Variants in TAFA2 observed in about 807,000 individuals in gnomAD.
The protein encoded by TAFA2 is TAFA chemokine like family member 2.
In TAFA2, 7 loss-of-function variants were observed where a neutral mutation model predicts 18.8. The ratio of observed to expected loss-of-function variants is 0.37; its 90% CI spans 0.21 to 0.70. The LOEUF (loss-of-function observed/expected upper bound fraction) is 0.70. Ranked by LOEUF, TAFA2 falls within the 30% of genes least tolerant of loss-of-function variation. The probability of loss-of-function intolerance (pLI) is 0.53; values close to 1 mark genes in which losing one functional copy is unlikely to be tolerated. For missense variants in TAFA2, 122 were observed against 158.1 expected (o/e 0.77, Z 1.23); for synonymous variants, 60 against 54.2 (o/e 1.11, Z -0.47).
chr12:62,193,700 T>C (rs900191376), upstream of TAFA2, among the ~76,000 whole-genome samples: 8 of 152,352 alleles, frequency 5.3e-5, no homozygotes, highest in Admixed American at 5.2e-4. Context: ...AGGTCCCATC[T>C]GTAACCTTAA....
At chr12:61,752,150 A>C (rs376748942) in intron 4 of TAFA2, among the ~76,000 whole-genome samples, 3 of 152,024 alleles carry the variant, frequency 2.0e-5, no homozygotes, top group East Asian at 1.9e-4. Context: ...TCATCTGTAA[A>C]AGGAGATAAT....
At chr12:62,174,321 A>C (rs535086521) in intron 1 of TAFA2, among the ~76,000 whole-genome samples, 94 of 150,686 alleles carry the variant, frequency 6.2e-4, no homozygotes, top group African/African-American at 2.2e-3. Context: ...ACTCAAAAAA[A>C]AAAGAAGAAG....
At chr12:62,198,680 T>A (rs980949437) in intron 1 of TAFA2, among the ~76,000 whole-genome samples, 3 of 152,194 alleles carry the variant, frequency 2.0e-5, no homozygotes, top group Admixed American at 6.5e-5. Context: ...AAATGTTTTT[T>A]AAAAACATTT....
At chr12:61,828,593 A>G (rs1196491917) in intron 2 of TAFA2, among the ~76,000 whole-genome samples, 6 of 151,884 alleles carry the variant, frequency 4.0e-5, no homozygotes, top group Non-Finnish European at 8.9e-5. Flanking sequence ...TACACTTGGC[A>G]TTAGTAACTG....
At chr12:61,786,443 C>A (rs558624311) in intron 2 of TAFA2, among the ~76,000 whole-genome samples, 3 of 151,450 alleles carry the variant, frequency 2.0e-5, no homozygotes, top group Admixed American at 6.6e-5. Flanking sequence ...CAAAAATGAC[C>A]AGCCACGCAC....
intron 2 of TAFA2, among the ~76,000 whole-genome samples, chr12:61,805,767 A>G (rs980472286): frequency 6.6e-6 from 1 of 152,216 alleles, no homozygotes; most frequent in Non-Finnish European, 1.5e-5. Context: ...AGATATCAAT[A>G]ACTGGAACTC....
At chr12:62,214,891 T>C (rs540829676) in intron 1 of TAFA2, among the ~76,000 whole-genome samples, 1 of 152,194 alleles carries the variant, frequency 6.6e-6, no homozygotes, top group Non-Finnish European at 1.5e-5. Context: ...CACCTTCTAA[T>C]ATAATATGCC....
At chr12:62,187,452 C>T (rs939772076) in intron 1 of TAFA2, among the ~76,000 whole-genome samples, 3 of 152,040 alleles carry the variant, frequency 2.0e-5, no homozygotes, top group Non-Finnish European at 2.9e-5. Context: ...CACCCTGTTA[C>T]GTAAAACCAG....
intron 1 of TAFA2, among the ~76,000 whole-genome samples, chr12:61,882,474 A>G (rs1188556448): frequency 6.6e-6 from 1 of 152,188 alleles, no homozygotes; most frequent in African/African-American, 2.4e-5. Context: ...AGACTTAAAT[A>G]GCTTATGGTT....
intron 1 of TAFA2, among the ~76,000 whole-genome samples, chr12:61,929,757 A>G (rs1187332210): frequency 6.6e-6 from 1 of 152,088 alleles, no homozygotes; most frequent in Non-Finnish European, 1.5e-5. Flanking sequence ...AACCAACCCA[A>G]ATGTCCAACA....
At chr12:61,743,872 T>C (rs894652882) in intron 4 of TAFA2, among the ~76,000 whole-genome samples, 2 of 151,716 alleles carry the variant, frequency 1.3e-5, no homozygotes, top group Non-Finnish European at 2.9e-5. Context: ...GGAAAGATTA[T>C]CCATATTTTT....
chr12:61,925,581 C>A (rs58647036), intron 1 of TAFA2, among the ~76,000 whole-genome samples: 12,325 of 152,130 alleles, frequency 0.081, 1,630 homozygotes, highest in African/African-American at 0.28. Flanking sequence ...AAACCAGAAT[C>A]TCTTAAATCT....
At chr12:62,006,011 A>G (rs1880537255) in intron 1 of TAFA2, among the ~76,000 whole-genome samples, 1 of 152,144 alleles carries the variant, frequency 6.6e-6, no homozygotes, top group South Asian at 2.1e-4. Flanking sequence ...CAACATTTTC[A>G]TTTTTATAAT....
chr12:61,960,510 G>A (rs1878846617), intron 1 of TAFA2, among the ~76,000 whole-genome samples: 1 of 151,958 alleles, frequency 6.6e-6, no homozygotes, highest in African/African-American at 2.4e-5. Flanking sequence ...ATTATCCTGT[G>A]AGAAATGCTT....
At chr12:61,925,933 A>G (rs1355422203) in intron 1 of TAFA2, among the ~76,000 whole-genome samples, 19 of 152,212 alleles carry the variant, frequency 1.2e-4, no homozygotes, top group Admixed American at 1.2e-3. Context: ...GAAAAGATTA[A>G]CAAAATATAT....
intron 1 of TAFA2, among the ~76,000 whole-genome samples, chr12:61,901,988 G>T (rs1006688351): frequency 4.6e-5 from 7 of 150,688 alleles, no homozygotes; most frequent in African/African-American, 1.5e-4. Context: ...TGACTTTATA[G>T]GACTTAGCTA....
chr12:62,132,496 A>G, intron 1 of TAFA2, among the ~76,000 whole-genome samples: 1 of 152,122 alleles, frequency 6.6e-6, no homozygotes, highest in South Asian at 2.1e-4. Context: ...TAAATATTTT[A>G]TAATGGCCTC....
intron 1 of TAFA2, among the ~76,000 whole-genome samples, chr12:61,932,462 CAG>C (rs1314102974): frequency 2.0e-5 from 3 of 152,168 alleles, no homozygotes; most frequent in African/African-American, 7.2e-5. Context: ...TAACTCTCTG[CAG>C]AGTTTTGCTG....
At chr12:61,722,600 T>C (rs1869957093) in intron 4 of TAFA2, among the ~76,000 whole-genome samples, 1 of 151,994 alleles carries the variant, frequency 6.6e-6, no homozygotes, top group Non-Finnish European at 1.5e-5. Context: ...TATGGAGAAA[T>C]ACATCATCTA....
Sources: allele counts gnomAD v4.1 joint callset (sites outside exome capture counted in the v4.1 genomes callset), GRCh38; gene constraint gnomAD v4.1.1; transcripts MANE v1.5; gene names NCBI Gene and HGNC (gene_info 2026-07-23, HGNC 2026-07-21).